The following TIAM1 variants were observed in gnomAD, a reference collection of about 807,000 sequenced individuals.
TIAM1 encodes the protein TIAM Rac1 associated GEF 1.
In TIAM1, 65 loss-of-function variants were observed where a neutral mutation model predicts 163.5. The ratio of observed to expected loss-of-function variants is 0.40; its 90% confidence interval spans 0.33 to 0.49. The LOEUF (loss-of-function observed/expected upper bound fraction) is 0.49. TIAM1 is among the 20% of genes least tolerant of loss of function. The pLI is 0.77. For missense variants in TIAM1, 1,789 were observed against 2,044.7 expected, an observed-to-expected ratio of 0.87 and a Z score of 2.41; for synonymous variants, 833 against 810.1, an observed-to-expected ratio of 1.03 and a Z score of -0.48.
intron 16 of TIAM1, among the ~76,000 whole-genome samples, chr21:31,159,566 T>G (rs189478491): frequency 2.0e-4 from 31 of 152,310 alleles, no homozygotes; most frequent in Admixed American, 1.5e-3. Flanking sequence ...TTGGGGACAA[T>G]GCGCTCCATA....
intron 2 of TIAM1, among the ~76,000 whole-genome samples, chr21:31,352,040 C>T (rs960887609): frequency 6.6e-6 from 1 of 151,504 alleles, no homozygotes; most frequent in Non-Finnish European, 1.5e-5. Flanking sequence ...TGTACTCCAA[C>T]CTAGGCAACA....
Position 31,389,516 on chromosome 21 carries a change from C to A in TIAM1, c.-368-50094G>T, listed in dbSNP as rs529064324. Among the ~76,000 whole-genome samples, 6 of 152,326 alleles carry A rather than the reference C, an allele frequency of 3.9e-5. No homozygotes were observed. The East Asian group carries it at 1.2e-3, about 29-fold the overall frequency. On this transcript the variant is annotated intron_variant, in intron 2 of 28. Transcript: ENST00000286827. ...GAGCCACCGCCCCCAGGCTTCCCAA[C>A]CATTTAAAACCATAAAGTCTATTCT...
At chr21:31,198,441 T>C (rs1282861372) in intron 12 of TIAM1, among the ~76,000 whole-genome samples, 1 of 152,202 alleles carries the variant, frequency 6.6e-6, no homozygotes, top group Non-Finnish European at 1.5e-5. Context: ...GTGGTTTCAG[T>C]GTTATACTTT....
At chr21:31,336,370 T>G (rs1019202675) in intron 2 of TIAM1, among the ~76,000 whole-genome samples, 1 of 152,082 alleles carries the variant, frequency 6.6e-6, no homozygotes, top group Non-Finnish European at 1.5e-5. Context: ...CTAGCCACTG[T>G]GCCTGAAGCC....
At chr21:31,527,924 A>G (rs1215985716) in intron 1 of TIAM1, among the ~76,000 whole-genome samples, 1 of 152,102 alleles carries the variant, frequency 6.6e-6, no homozygotes, top group Non-Finnish European at 1.5e-5. Flanking sequence ...TCCCTACACA[A>G]ACAGGAACAG....
chr21:31,501,041 A>G (rs903901959), intron 1 of TIAM1, among the ~76,000 whole-genome samples: 1 of 152,232 alleles, frequency 6.6e-6, no homozygotes, highest in Non-Finnish European at 1.5e-5. Context: ...ACGCCCTGGC[A>G]GCAGAAAGAG....
At chr21:31,505,153 C>A (rs558965643) in intron 1 of TIAM1, among the ~76,000 whole-genome samples, 64 of 152,310 alleles carry the variant, frequency 4.2e-4, no homozygotes, top group African/African-American at 1.4e-3. Flanking sequence ...AACTCAGCCA[C>A]TGATTGGCCG....
At chr21:31,483,645 C>A (rs533761041) in intron 1 of TIAM1, among the ~76,000 whole-genome samples, 2 of 151,986 alleles carry the variant, frequency 1.3e-5, no homozygotes, top group African/African-American at 2.4e-5. Context: ...AAGATACCTA[C>A]AAAATCAAGA....
chr21:31,213,356 C>T (rs369659539), intron 10 of TIAM1, 42 bp downstream of exon 10: 4 of 1,561,636 alleles, frequency 2.6e-6, no homozygotes, highest in Non-Finnish European at 3.5e-6. Flanking sequence ...TGTTGATGCA[C>T]TTGTGGTACT....
At chr21:31,129,831 G>C (rs1268879549) in intron 25 of TIAM1, among the ~76,000 whole-genome samples, 1 of 152,216 alleles carries the variant, frequency 6.6e-6, no homozygotes, top group African/African-American at 2.4e-5. Context: ...AGGCAAGTGA[G>C]TAGTTTATGT....
At chr21:31,422,339 C>G (rs1408676961) in intron 2 of TIAM1, among the ~76,000 whole-genome samples, 1 of 152,164 alleles carries the variant, frequency 6.6e-6, no homozygotes, top group Admixed American at 6.5e-5. Flanking sequence ...ATGCTGAAAG[C>G]TAAAATTAAG....
intron 22 of TIAM1, among the ~76,000 whole-genome samples, chr21:31,140,228 C>T (rs2082787387): frequency 6.6e-6 from 1 of 152,110 alleles, no homozygotes; most frequent in Non-Finnish European, 1.5e-5. Context: ...ACTAAACAAC[C>T]AAACTTTGCC....
chr21:31,121,051 G>A (rs532253789), intron 27 of TIAM1, among the ~76,000 whole-genome samples: 2 of 152,170 alleles, frequency 1.3e-5, no homozygotes, highest in Non-Finnish European at 2.9e-5. Context: ...TCTAGCAACT[G>A]ATGCAAGGGC....
chr21:31,404,535 T>C (rs927642075), intron 2 of TIAM1, among the ~76,000 whole-genome samples: 1 of 146,480 alleles, frequency 6.8e-6, no homozygotes, highest in Non-Finnish European at 1.5e-5. Flanking sequence ...TCCAGTATGG[T>C]CTTTTTTTTT....
intron 1 of TIAM1, among the ~76,000 whole-genome samples, chr21:31,550,878 G>A (rs985726706): frequency 6.6e-6 from 1 of 152,100 alleles, no homozygotes; most frequent in African/African-American, 2.4e-5. Context: ...TAAATTAAAG[G>A]TCTATGTCAG....
chr21:31,449,984 C>T (rs926901424), intron 2 of TIAM1, among the ~76,000 whole-genome samples: 2 of 151,224 alleles, frequency 1.3e-5, no homozygotes, highest in South Asian at 2.1e-4. Flanking sequence ...GCAGCCAGGC[C>T]GATAATCAGG....
In TIAM1 at chr21:31,181,756, CTTTTTTTTTTTT is replaced by C. The variant is rs781153297; in HGVS notation, c.2887+653_2887+664del. ...CCCAGCACTTCTTCTTCTTCTTCTT[CTTTTTTTTTTTT>C]TTTTTTTTTTTTTTTTTTTTTTTTT... On this transcript the variant is annotated intron_variant, in intron 15 of 27. Transcript: ENST00000541036. Among the ~76,000 whole-genome samples, 60 of 41,334 alleles carry C rather than the reference CTTTTTTTTTTTT, an allele frequency of 1.5e-3. 6 individuals are homozygous for C. The highest frequency in any genetic ancestry group is 4.2e-3 in the South Asian group (5 of 1,188). 27.1% of individuals were successfully genotyped at this position (41,334 alleles called of 152,430 possible). A position where few individuals can be genotyped will look rare whatever the true frequency, so the allele number is the denominator to read the frequency against.
chr21:31,541,675 G>C (rs2048327554), intron 1 of TIAM1, among the ~76,000 whole-genome samples: 2 of 152,166 alleles, frequency 1.3e-5, no homozygotes, highest in South Asian at 2.1e-4. Flanking sequence ...AAAATACAAA[G>C]CTGTATCTAT....
At chr21:31,314,623 G>C (rs1273112250) in intron 2 of TIAM1, among the ~76,000 whole-genome samples, 1 of 151,842 alleles carries the variant, frequency 6.6e-6, no homozygotes, top group African/African-American at 2.4e-5. Flanking sequence ...TATTTTTTTA[G>C]AAATATTGGC....
Sources: gnomAD v4.1 joint callset for allele counts (sites outside exome capture counted in the v4.1 genomes callset) on GRCh38, gnomAD v4.1.1 for gene constraint, MANE v1.5 for transcripts, NCBI Gene and HGNC (gene_info 2026-07-23, HGNC 2026-07-21) for gene names.